The following DACH1 variants were observed in gnomAD, a reference collection of about 807,000 sequenced individuals.
DACH1 encodes the protein dachshund family transcription factor 1.
In DACH1, 12 loss-of-function variants were observed where a neutral mutation model predicts 54.2. The observed-to-expected ratio is 0.22, with a 90% CI of 0.14 to 0.36. The LOEUF (loss-of-function observed/expected upper bound fraction) is 0.36. Among genes scored for constraint, DACH1 ranks in the 10% least tolerant of loss-of-function variants. The pLI is 1.00. For synonymous variants in DACH1, 386 were observed against 366.2 expected, an observed-to-expected ratio of 1.05 and a Z score of -0.62; for missense variants, 805 against 929.8, an observed-to-expected ratio of 0.87 and a Z score of 1.75.
intron 2 of DACH1, among the ~76,000 whole-genome samples, chr13:71,646,172 A>G (rs1016929380): frequency 1.1e-4 from 16 of 152,022 alleles, no homozygotes; most frequent in African/African-American, 3.9e-4. Context: ...TCCCATCTCT[A>G]GTAAAAATAC....
At chr13:71,847,915 T>G (rs937571788) in intron 1 of DACH1, among the ~76,000 whole-genome samples, 8 of 152,214 alleles carry the variant, frequency 5.3e-5, no homozygotes, top group Non-Finnish European at 4.4e-5. Context: ...AATGGTTGAA[T>G]GCCTAGCTCA....
intron 1 of DACH1, among the ~76,000 whole-genome samples, chr13:71,792,231 C>A (rs1886862925): frequency 6.6e-6 from 1 of 151,982 alleles, no homozygotes; most frequent in Non-Finnish European, 1.5e-5. Flanking sequence ...TTAAGCTCAA[C>A]TCTAGTTTGC....
intron 1 of DACH1, among the ~76,000 whole-genome samples, chr13:71,861,614 T>C (rs967088216): frequency 1.5e-4 from 23 of 152,128 alleles, no homozygotes; most frequent in African/African-American, 5.3e-4. Flanking sequence ...AGCTTTAGTC[T>C]TCTAATTATG....
chr13:71,499,931 A>G (rs1879771524), intron 6 of DACH1, among the ~76,000 whole-genome samples: 1 of 152,200 alleles, frequency 6.6e-6, no homozygotes, highest in African/African-American at 2.4e-5. Context: ...TAGTAATAGT[A>G]GATGCATAGT....
chr13:71,695,340 C>A (rs1881767313), intron 1 of DACH1, among the ~76,000 whole-genome samples: 1 of 152,102 alleles, frequency 6.6e-6, no homozygotes. Context: ...ATTCTAGATA[C>A]CATGGCAGAA....
At chr13:71,790,473 T>C (rs1017944775) in intron 1 of DACH1, among the ~76,000 whole-genome samples, 2 of 152,144 alleles carry the variant, frequency 1.3e-5, no homozygotes. Flanking sequence ...TTTTGGCCTT[T>C]GGCATAATGC....
chr13:71,720,482 A>C (rs983447525), intron 1 of DACH1, among the ~76,000 whole-genome samples: 24 of 152,178 alleles, frequency 1.6e-4, no homozygotes, highest in African/African-American at 5.5e-4. Flanking sequence ...CTCAGCTCAT[A>C]ATCATGTCTA....
At position 71,475,861 on chromosome 13, in the gene DACH1, T is replaced by G. The variant is rs759279890; in HGVS notation, c.1871-12A>C. The G allele has an allele frequency of 1.2e-5, 18 of 1,549,540 alleles. No individual in the cohort carries two copies. In the African/African-American group the frequency reaches 1.5e-4, roughly 13 times the overall value. On this transcript the variant is annotated splice_polypyrimidine_tract_variant and intron_variant, in intron 8 of 10. Coordinates refer to ENST00000613252, the MANE Select transcript of DACH1 (RefSeq NM_080759.6). ...CTTTTGAACTATGGCTAAAAAAGAG[T>G]GTATGCATATTATTATTATTATTTT...
At chr13:71,853,472 G>C (rs551662754) in intron 1 of DACH1, among the ~76,000 whole-genome samples, 41 of 152,200 alleles carry the variant, frequency 2.7e-4, no homozygotes, top group South Asian at 1.5e-3. Flanking sequence ...CTTTTGAAAG[G>C]CTTTCTCAAG....
At chr13:71,554,689 C>T (rs902841711) in intron 6 of DACH1, among the ~76,000 whole-genome samples, 7 of 152,058 alleles carry the variant, frequency 4.6e-5, no homozygotes, top group South Asian at 2.1e-4. Flanking sequence ...CAAAGACTGC[C>T]TTGTCTGTTT....
intron 10 of DACH1, among the ~76,000 whole-genome samples, chr13:71,455,739 CCAGATTGAATGAAACAAGGCAA>C (rs928304994): frequency 2.6e-5 from 4 of 151,938 alleles, no homozygotes; most frequent in Admixed American, 2.0e-4. Flanking sequence ...TAAAAAGATA[CCAGATTGAATGAAACAAGGCAA>C]CATATTTAGT....
intron 1 of DACH1, among the ~76,000 whole-genome samples, chr13:71,823,440 C>T (rs1034663393): frequency 6.6e-6 from 1 of 152,018 alleles, no homozygotes; most frequent in Admixed American, 6.6e-5. Context: ...CTCATAAAGA[C>T]AAGTGATTAA....
At chr13:71,836,578 T>G (rs1566532854) in intron 1 of DACH1, among the ~76,000 whole-genome samples, 1 of 152,104 alleles carries the variant, frequency 6.6e-6, no homozygotes, top group Non-Finnish European at 1.5e-5. Context: ...TTTATAGCAT[T>G]AACTCTGATC....
intron 1 of DACH1, among the ~76,000 whole-genome samples, chr13:71,864,429 C>G (rs1874577145): frequency 6.6e-6 from 1 of 152,080 alleles, no homozygotes; most frequent in Admixed American, 6.5e-5. Context: ...CTTTTTCAAC[C>G]CAATGTCCTT....
intron 1 of DACH1, among the ~76,000 whole-genome samples, chr13:71,821,236 T>C (rs1272575174): frequency 6.6e-6 from 1 of 152,132 alleles, no homozygotes; most frequent in Admixed American, 6.5e-5. Context: ...AGTGTTAATA[T>C]TCTTTTCTGC....
intron 6 of DACH1, among the ~76,000 whole-genome samples, chr13:71,506,134 ATTC>A (rs1239903291): frequency 6.6e-6 from 1 of 151,518 alleles, no homozygotes; most frequent in Non-Finnish European, 1.5e-5. Context: ...AGCTCTTAAG[ATTC>A]TTTTTTTTTT....
intron 1 of DACH1, among the ~76,000 whole-genome samples, chr13:71,847,447 C>G (rs1020081452): frequency 1.3e-5 from 2 of 152,116 alleles, no homozygotes; most frequent in South Asian, 4.1e-4. Context: ...AGATACAAAA[C>G]TATACACCAC....
chr13:71,529,638 A>G (rs1222865503), intron 6 of DACH1, among the ~76,000 whole-genome samples: 1 of 152,218 alleles, frequency 6.6e-6, no homozygotes, highest in Admixed American at 6.5e-5. Context: ...GATTTCAGAT[A>G]ACTTTTTCAT....
At chr13:71,852,193 A>T (rs1481541205) in intron 1 of DACH1, among the ~76,000 whole-genome samples, 1 of 152,202 alleles carries the variant, frequency 6.6e-6, no homozygotes, top group African/African-American at 2.4e-5. Flanking sequence ...GAGCCAGCCG[A>T]GTTCAGAGGC....
Sources: gnomAD v4.1 joint callset for allele counts (sites outside exome capture counted in the v4.1 genomes callset) on GRCh38, gnomAD v4.1.1 for gene constraint, MANE v1.5 for transcripts, NCBI Gene and HGNC (gene_info 2026-07-23, HGNC 2026-07-21) for gene names.